TRERF1: variants seen among roughly 807,000 people sequenced by gnomAD.
The protein encoded by TRERF1 is transcriptional regulating factor 1, also known as transcriptional-regulating factor 1.
A neutral mutation model predicts 122.9 loss-of-function variants in TRERF1; 27 were observed. The observed-to-expected ratio is 0.22, with a 90% CI of 0.16 to 0.30. The LOEUF (loss-of-function observed/expected upper bound fraction) is 0.30. Ranked by LOEUF, TRERF1 falls within the 10% of genes least tolerant of loss-of-function variation. TRERF1 has a pLI of 1.00. For missense variants in TRERF1, 1,248 were observed against 1,560.3 expected (o/e 0.80, Z 3.37); for synonymous variants, 636 against 641.7 (o/e 0.99, Z 0.13).
chr6:42,281,558 T>C (rs34332439), intron 4 of TRERF1, among the ~76,000 whole-genome samples: 4,155 of 152,282 alleles, frequency 0.027, 56 homozygotes, highest in Non-Finnish European at 0.037. Context: ...GTTTGTCAAA[T>C]ATCAACCCTG....
chr6:42,373,270 C>T (rs1162733792), intron 2 of TRERF1, among the ~76,000 whole-genome samples: 1 of 152,158 alleles, frequency 6.6e-6, no homozygotes, highest in African/African-American at 2.4e-5. Context: ...CGGTGGCTCA[C>T]GCCTGTAATC....
chr6:42,431,792 G>C (rs2151671669), intron 2 of TRERF1, among the ~76,000 whole-genome samples: 1 of 151,820 alleles, frequency 6.6e-6, no homozygotes, highest in Middle Eastern at 3.4e-3. Flanking sequence ...GCTATAAAGT[G>C]AGCCGCCATG....
At chr6:42,383,080 G>A (rs1776228381) in intron 2 of TRERF1, among the ~76,000 whole-genome samples, 1 of 152,114 alleles carries the variant, frequency 6.6e-6, no homozygotes, top group Non-Finnish European at 1.5e-5. Flanking sequence ...AATTAGCTGA[G>A]TGTGGTGGTG....
At chr6:42,247,681 C>T (rs1052866015) in intron 13 of TRERF1, among the ~76,000 whole-genome samples, 1 of 152,158 alleles carries the variant, frequency 6.6e-6, no homozygotes, top group Admixed American at 6.5e-5. Context: ...GCACGATATG[C>T]AGATAATAAT....
chr6:42,323,332 G>T (rs1763762093), intron 3 of TRERF1, among the ~76,000 whole-genome samples: 1 of 151,820 alleles, frequency 6.6e-6, no homozygotes, highest in South Asian at 2.1e-4. Flanking sequence ...CCAAGTAGCT[G>T]GGATTACAGG....
intron 3 of TRERF1, 45 bp downstream of exon 3, chr6:42,362,952 C>T (rs1772050107): frequency 6.5e-6 from 1 of 153,784 alleles, no homozygotes; most frequent in Admixed American, 6.5e-5. Flanking sequence ...CTTACGACTG[C>T]TTTGCTGTAA....
intron 4 of TRERF1, among the ~76,000 whole-genome samples, chr6:42,299,941 C>A (rs1785863088): frequency 6.6e-6 from 1 of 152,182 alleles, no homozygotes; most frequent in Non-Finnish European, 1.5e-5. Flanking sequence ...GAGCAACCAG[C>A]AAGGCAGACG....
chr6:42,436,814 A>AATATATAT lies in TRERF1; in HGVS notation c.-454+14355_-454+14362dup, dbSNP rs56057543. On this transcript the variant is annotated intron_variant, in intron 2 of 17. Coordinates refer to ENST00000372922, the Ensembl canonical transcript of TRERF1. ...ATCTCCCTCTACAAAAAAAAAAAAA[A>AATATATAT]ATATATATATATATATATATATATA... 9.8e-3 allele frequency among the ~76,000 whole-genome samples: 652 copies of AATATATAT among 66,646 alleles called. 4 individuals carry two copies. Among genetic ancestry groups the AATATATAT allele is most frequent in the South Asian group, 0.021 (23 of 1,108 alleles). 43.7% of individuals were successfully genotyped at this position (66,646 alleles called of 152,430 possible).
At chr6:42,442,476 A>G (rs1267632947) in intron 2 of TRERF1, among the ~76,000 whole-genome samples, 1 of 152,026 alleles carries the variant, frequency 6.6e-6, no homozygotes, top group Non-Finnish European at 1.5e-5. Flanking sequence ...TGACCACTAG[A>G]CCACCCAGGT....
In TRERF1 at chr6:42,268,932, G is replaced by C; in HGVS notation, c.659C>G (p.Ala220Gly). The change falls in exon 5 of 18, where the codon GCT (alanine) becomes GGT (glycine). Residue 220 changes from alanine to glycine, a missense_variant. Transcript: ENST00000372922. The surrounding 1 kb of genome is among the most constrained non-coding windows in gnomAD (Gnocchi z 4.4). The stretch of plus-strand genomic sequence containing the variant: ...GGTAGGGTGCTGCCCGACCTGAAGA[G>C]CTGGTTTGGACAGCCCACCAGTGAA... The C allele has an allele frequency of 1.2e-6, 2 of 1,612,662 alleles. No homozygotes were observed. Among genetic ancestry groups the C allele is most frequent in the South Asian group, 1.1e-5 (1 of 91,062 alleles).
At chr6:42,287,792 G>A (rs913921240) in intron 4 of TRERF1, among the ~76,000 whole-genome samples, 11 of 151,978 alleles carry the variant, frequency 7.2e-5, no homozygotes, top group Admixed American at 2.0e-4. Context: ...TCCTCTGGTC[G>A]GGTCTCACCC....
At chr6:42,349,115 C>G (rs1768901156) in intron 3 of TRERF1, among the ~76,000 whole-genome samples, 1 of 152,216 alleles carries the variant, frequency 6.6e-6, no homozygotes, top group Non-Finnish European at 1.5e-5. Context: ...CCCAGCTTCA[C>G]TAACTACCCT....
At chr6:42,349,444 C>A (rs1768977306) in intron 3 of TRERF1, among the ~76,000 whole-genome samples, 1 of 151,960 alleles carries the variant, frequency 6.6e-6, no homozygotes, top group Admixed American at 6.6e-5. Flanking sequence ...AATCAACTAA[C>A]TGATAGGGAA....
intron 2 of TRERF1, among the ~76,000 whole-genome samples, chr6:42,449,442 G>A (rs1158202766): frequency 6.8e-6 from 1 of 147,152 alleles, no homozygotes; most frequent in Non-Finnish European, 1.5e-5. Context: ...CTTTATTACC[G>A]CAAGAACATT....
intron 4 of TRERF1, among the ~76,000 whole-genome samples, chr6:42,299,467 A>G (rs1194919839): frequency 6.6e-6 from 1 of 152,268 alleles, no homozygotes; most frequent in Non-Finnish European, 1.5e-5. Flanking sequence ...GCCTCAAAAC[A>G]TATAAAGCAA....
chr6:42,296,023 A>G (rs1785047494), intron 4 of TRERF1, among the ~76,000 whole-genome samples: 2 of 152,170 alleles, frequency 1.3e-5, no homozygotes, highest in Admixed American at 1.3e-4. Flanking sequence ...TCACTGCTGA[A>G]AATGTGTCCT....
intron 2 of TRERF1, among the ~76,000 whole-genome samples, chr6:42,417,298 T>G (rs534297948): frequency 7.1e-6 from 1 of 140,112 alleles, no homozygotes; most frequent in East Asian, 2.1e-4. Flanking sequence ...GGGCTTCTTT[T>G]TCTGAGCCTT....
chr6:42,452,134 G>A (rs1455000130), upstream of TRERF1: 1 of 146,460 alleles, frequency 6.8e-6, no homozygotes, highest in Non-Finnish European at 1.5e-5. Context: ...AGCTCCTCTC[G>A]GCCTTTTTTT....
At chr6:42,323,782 T>C (rs143677193) in intron 3 of TRERF1, among the ~76,000 whole-genome samples, 17 of 152,232 alleles carry the variant, frequency 1.1e-4, no homozygotes, top group African/African-American at 4.1e-4. Flanking sequence ...TTGAGTGGAA[T>C]TAGACAGGAG....
Sources: gnomAD v4.1 joint callset for allele counts (sites outside exome capture counted in the v4.1 genomes callset) on GRCh38, gnomAD v4.1.1 for gene constraint, Gnocchi (gnomAD v3.1) non-coding constraint, MANE v1.5 for transcripts, NCBI Gene and HGNC (gene_info 2026-07-23, HGNC 2026-07-21) for gene names.